MYO1D: variants seen among roughly 807,000 people sequenced by gnomAD.
MYO1D encodes the protein myosin ID.
Under a neutral mutation model 122.0 loss-of-function variants are expected in MYO1D, and 83 were observed. The observed-to-expected ratio is 0.68, with a 90% CI of 0.57 to 0.82. MYO1D has a LOEUF of 0.82. Ranked by LOEUF, MYO1D falls within the 40% of genes least tolerant of loss-of-function variation. The probability of loss-of-function intolerance (pLI) is 0.00; values close to 1 mark genes in which losing one functional copy is unlikely to be tolerated. For missense variants in MYO1D, 1,157 were observed against 1,269.5 expected (o/e 0.91, Z 1.35); for synonymous variants, 464 against 446.9 (o/e 1.04, Z -0.48).
chr17:32,875,080 T>C (rs765467856), intron 1 of MYO1D, among the ~76,000 whole-genome samples: 1 of 152,218 alleles, frequency 6.6e-6, no homozygotes, highest in Non-Finnish European at 1.5e-5. Context: ...AGGTGAAAGA[T>C]GGAGGTTAAA....
At chr17:32,819,298 T>TA (rs925951017) in intron 1 of MYO1D, among the ~76,000 whole-genome samples, 12 of 151,818 alleles carry the variant, frequency 7.9e-5, no homozygotes, top group African/African-American at 2.9e-4. Flanking sequence ...TGTGAGGAGA[T>TA]AAACAGAGAT....
intron 13 of MYO1D, among the ~76,000 whole-genome samples, chr17:32,742,660 T>A (rs1351101795): frequency 2.0e-5 from 3 of 152,230 alleles, no homozygotes; most frequent in African/African-American, 7.2e-5. Context: ...CCTTACCTGA[T>A]AAATTAAGCA....
chr17:32,589,549 T>C (rs921969604), intron 21 of MYO1D, among the ~76,000 whole-genome samples: 5 of 152,008 alleles, frequency 3.3e-5, no homozygotes, highest in Non-Finnish European at 7.4e-5. Flanking sequence ...GAGAGGAAGG[T>C]CCCAGAAGAA....
rs775752169 is a variant in MYO1D at position 32,749,013 on chromosome 17, A to C, written c.1468-7T>G. The C allele has an allele frequency of 6.2e-7, 1 of 1,608,662 alleles. No individual in the cohort carries two copies. Among genetic ancestry groups the C allele is most frequent in the Non-Finnish European group, 8.5e-7 (1 of 1,175,608 alleles). On this transcript the variant is annotated splice_polypyrimidine_tract_variant and splice_region_variant and intron_variant, in intron 11 of 21. Transcript: ENST00000318217. ...TTTTGTCTGAGGCACAGAGCTAAGG[A>C]ATCAAGAAGGATATTATTTTGAAAA... is the stretch of plus-strand genomic sequence containing the variant.
intron 1 of MYO1D, among the ~76,000 whole-genome samples, chr17:32,834,511 C>T (rs2090803105): frequency 1.3e-5 from 2 of 152,184 alleles, no homozygotes; most frequent in South Asian, 4.1e-4. Flanking sequence ...AATTTGTCAT[C>T]AAGACCTCTT....
chr17:32,758,451 T>A (rs1243977629), intron 10 of MYO1D, among the ~76,000 whole-genome samples: 1 of 152,184 alleles, frequency 6.6e-6, no homozygotes, highest in Non-Finnish European at 1.5e-5. Flanking sequence ...TTAGGTATGA[T>A]AATGGCATTG....
intron 21 of MYO1D, among the ~76,000 whole-genome samples, chr17:32,539,149 C>CT (rs1408798991): frequency 1.3e-5 from 2 of 151,966 alleles, no homozygotes; most frequent in South Asian, 2.1e-4. Context: ...TCAAATATGA[C>CT]TTTTTTTAAA....
intron 21 of MYO1D, among the ~76,000 whole-genome samples, chr17:32,535,146 A>AT (rs1199882000): frequency 6.6e-6 from 1 of 152,200 alleles, no homozygotes; most frequent in East Asian, 1.9e-4. Context: ...TGTTATTTCT[A>AT]TTAGAGGTTC....
At position 32,873,286 on chromosome 17, in the gene MYO1D, T is replaced by TA. The variant is rs546319692; in HGVS notation, c.95+3491_95+3492insT. Among the ~76,000 whole-genome samples, 42 of 152,220 alleles carry TA rather than the reference T, an allele frequency of 2.8e-4. No homozygotes were observed. The East Asian group carries it at 7.3e-3, about 27-fold the overall frequency. On this transcript the variant is annotated intron_variant, in intron 1 of 21. Transcript: ENST00000318217. The stretch of plus-strand genomic sequence containing the variant: ...CCCATGAAGCACCTGCAGCCTTGAG[T>TA]GCTTGACTATTACATGACTTAAAGG...
chr17:32,540,287 G>A (rs9911392), intron 21 of MYO1D, among the ~76,000 whole-genome samples: 14,085 of 133,004 alleles, frequency 0.11, 2,105 homozygotes, highest in African/African-American at 0.35. Context: ...CCGAGATCGC[G>A]TCACTGTACT....
At chr17:32,675,097 C>A (rs374286084) in intron 16 of MYO1D, among the ~76,000 whole-genome samples, 86 of 152,288 alleles carry the variant, frequency 5.6e-4, no homozygotes, top group African/African-American at 1.9e-3. Context: ...ACTATGAAGA[C>A]TGTTACTGGT....
rs2088592952 is a variant in MYO1D at position 32,663,135 on chromosome 17, T to C, written c.2122-3797A>G. Reference sequence around the variant, plus strand: ...GGTTTCACTGTGTTAGCCAGGATGGTCTCGATCTCCTGACCTTGTGATCCA... The same window carrying C: ...GGTTTCACTGTGTTAGCCAGGATGGCCTCGATCTCCTGACCTTGTGATCCA... On this transcript the variant is annotated intron_variant, in intron 16 of 21. Coordinates refer to ENST00000318217, the MANE Select transcript of MYO1D (RefSeq NM_015194.3). Among the ~76,000 whole-genome samples, 3 of 152,102 alleles carry C rather than the reference T, an allele frequency of 2.0e-5. No individual in the cohort carries two copies. The South Asian group carries it at 6.2e-4, about 31-fold the overall frequency.
At chr17:32,793,512 ATTAT>A (rs2151037799) in intron 1 of MYO1D, among the ~76,000 whole-genome samples, 1 of 152,314 alleles carries the variant, frequency 6.6e-6, no homozygotes, top group Non-Finnish European at 1.5e-5. Context: ...TGACATTTGA[ATTAT>A]TTATGCAATT....
chr17:32,503,507 A>C (rs1909391522), intron 21 of MYO1D, among the ~76,000 whole-genome samples: 1 of 152,258 alleles, frequency 6.6e-6, no homozygotes, highest in African/African-American at 2.4e-5. Flanking sequence ...AGTGGGGTGC[A>C]GTGCAGTCAC....
Position 32,738,874 on chromosome 17 carries a change from C to A in MYO1D, c.1614-489G>T, listed in dbSNP as rs540388919. ...AGAAAGCCTGCTCTTTAAAAAAAAACACAGGTAGGAATATAAAATAACCAT... is the reference window on the plus strand; with the variant it reads ...AGAAAGCCTGCTCTTTAAAAAAAAAAACAGGTAGGAATATAAAATAACCAT... On this transcript the variant is annotated intron_variant, in intron 13 of 21. Transcript: ENST00000318217. 3.3e-5 allele frequency among the ~76,000 whole-genome samples: 5 copies of A among 151,808 alleles called. No individual in the cohort carries two copies. The South Asian group carries it at 6.3e-4, about 19-fold the overall frequency.
chr17:32,859,471 C>T (rs1190281052), intron 1 of MYO1D, among the ~76,000 whole-genome samples: 2 of 152,188 alleles, frequency 1.3e-5, no homozygotes, highest in Non-Finnish European at 2.9e-5. Context: ...CTGTGGCTCC[C>T]CTTCCCCTGG....
At chr17:32,866,422 C>A (rs997846059) in intron 1 of MYO1D, among the ~76,000 whole-genome samples, 38 of 152,232 alleles carry the variant, frequency 2.5e-4, no homozygotes, top group African/African-American at 9.2e-4. Flanking sequence ...TAACCTTATA[C>A]TACCTGCTGC....
intron 1 of MYO1D, among the ~76,000 whole-genome samples, chr17:32,801,809 T>C (rs2090463589): frequency 6.6e-6 from 1 of 152,098 alleles, no homozygotes; most frequent in East Asian, 1.9e-4. Context: ...TTCTAAATGC[T>C]ATACTAAAGG....
At chr17:32,545,568 T>C (rs1251392610) in intron 21 of MYO1D, among the ~76,000 whole-genome samples, 1 of 152,172 alleles carries the variant, frequency 6.6e-6, no homozygotes, top group Non-Finnish European at 1.5e-5. Flanking sequence ...CTTACTTCTG[T>C]CCCTAACTGG....
Sources: allele counts gnomAD v4.1 joint callset (sites outside exome capture counted in the v4.1 genomes callset), GRCh38; gene constraint gnomAD v4.1.1; transcripts MANE v1.5; gene names NCBI Gene and HGNC (gene_info 2026-07-23, HGNC 2026-07-21).